Variants in TNF observed in about 807,000 individuals in gnomAD.
The protein encoded by TNF is APC1 protein.
In TNF, 7 loss-of-function variants were observed where a neutral mutation model predicts 21.8. That is an observed-to-expected ratio of 0.32 (90% CI 0.18 to 0.60). The LOEUF (loss-of-function observed/expected upper bound fraction) is 0.60, where lower values mean the gene tolerates loss of function less well. Among genes scored for constraint, TNF ranks in the 20% least tolerant of loss-of-function variants. TNF has a pLI of 0.84. For missense variants in TNF, 216 were observed against 296.6 expected (o/e 0.73, Z 2.00); for synonymous variants, 123 against 130.2 (o/e 0.94, Z 0.38).
intron 1 of TNF, 123 bp downstream of exon 1, chr6:31,576,050 G>C: frequency 9.6e-7 from 1 of 1,037,480 alleles, no homozygotes; most frequent in East Asian, 3.0e-5. Context: ...AGAAAAAAAC[G>C]TGGAGAAAGA....
rs1771244303 is a variant in TNF at position 31,577,525 on chromosome 6, C to A, written c.690C>A (p.Ile230=). Residue 230 remains isoleucine, a synonymous_variant, in exon 4 of 4, where the codon ATC becomes ATA. Transcript: ENST00000449264. The surrounding 1 kb of genome is among the most constrained non-coding windows in gnomAD (Gnocchi z 7.7). ...FAESGQVYFG[I]IAL The stretch of plus-strand genomic sequence containing the variant: ...AGTCTGGGCAGGTCTACTTTGGGAT[C>A]ATTGCCCTGTGAGGAGGACGAACAT... 6.2e-7 allele frequency: 1 copy of A among 1,612,996 alleles called. No homozygotes were observed. The highest frequency in any genetic ancestry group is 1.3e-5 in the African/African-American group (1 of 74,934).
chr6:31,575,793 C>A lies in TNF; in HGVS notation c.52C>A (p.Pro18Thr). The A allele has an allele frequency of 6.2e-7, 1 of 1,609,928 alleles. No homozygotes were observed. The highest frequency in any genetic ancestry group is 8.5e-7 in the Non-Finnish European group (1 of 1,178,164). The change falls in exon 1 of 4, where the codon CCC (proline) becomes ACC (threonine). Residue 18 changes from proline to threonine, a missense_variant. Around this residue, in one of 2 missense-constraint regions of TNF, gnomAD observed 118 missense variants for 127.1 expected, o/e 0.93. Coordinates refer to ENST00000449264, the MANE Select transcript of TNF (RefSeq NM_000594.4). The surrounding 1 kb of genome is among the most constrained non-coding windows in gnomAD (Gnocchi z 6.2). ...RDVELAEEALPKKTGGPQGSR... is the reference protein window; with the variant it reads ...RDVELAEEALTKKTGGPQGSR... ...CGTGGAGCTGGCCGAGGAGGCGCTC[C>A]CCAAGAAGACAGGGGGGCCCCAGGG...
rs762834115 is a variant in TNF at position 31,577,655 on chromosome 6, G to A, written c.*118G>A. On this transcript the variant is annotated 3_prime_UTR_variant, in exon 4 of 4. Transcript: ENST00000449264. This position sits in a 1 kb window ranked among gnomAD's most constrained non-coding sequence, Gnocchi z 7.7. ...AAAAGAGAATTGGGGGCTTAGGGTC[G>A]GAACCCAAGCTTAGAACTTTAAGCA... 36 of 1,309,914 alleles carry A rather than the reference G, an allele frequency of 2.7e-5. No homozygotes were observed. Among genetic ancestry groups the A allele is most frequent in the South Asian group, 4.9e-5 (4 of 80,886 alleles). The allele number at this position is 1,309,914 out of a possible 1,614,324, so 81.1% of individuals were successfully genotyped here.
In TNF at chr6:31,577,654, C is replaced by T. The variant is rs753933440; in HGVS notation, c.*117C>T. ...AAAAAGAGAATTGGGGGCTTAGGGT[C>T]GGAACCCAAGCTTAGAACTTTAAGC... On this transcript the variant is annotated 3_prime_UTR_variant, in exon 4 of 4. Transcript: ENST00000449264. This position sits in a 1 kb window ranked among gnomAD's most constrained non-coding sequence, Gnocchi z 7.7. 5 of 1,328,186 alleles carry T rather than the reference C, an allele frequency of 3.8e-6. No individual in the cohort carries two copies. Among genetic ancestry groups the T allele is most frequent in the Admixed American group, 1.9e-5 (1 of 51,408 alleles). 82.3% of individuals were successfully genotyped at this position (1,328,186 alleles called of 1,614,324 possible).
intron 3 of TNF, 100 bp downstream of exon 3, chr6:31,576,914 A>G (rs1771208899): frequency 6.8e-7 from 1 of 1,480,692 alleles, no homozygotes; most frequent in Non-Finnish European, 9.4e-7. Flanking sequence ...TGTGAGAAGG[A>G]CTCGCTGAGC....
In TNF at chr6:31,578,312, A is replaced by G. The variant is rs1179810924; in HGVS notation, c.*775A>G. 2.0e-5 allele frequency: 3 copies of G among 152,234 alleles called. No homozygotes were observed. The highest frequency in any genetic ancestry group is 4.4e-5 in the Non-Finnish European group (3 of 68,052). The allele number at this position is 152,234 out of a possible 1,614,324, so 9.4% of individuals were successfully genotyped here. On this transcript the variant is annotated 3_prime_UTR_variant, in exon 4 of 4. Transcript: ENST00000449264. The surrounding 1 kb of genome is among the most constrained non-coding windows in gnomAD (Gnocchi z 6.0). ...AATCGCCCTACTATTCAGTGGCGAG[A>G]AATAAAGTTTGCTTAGAAAAGAAAC...
intron 1 of TNF, 72 bp from the exon 2 acceptor site, chr6:31,576,462 A>T: frequency 6.6e-7 from 1 of 1,512,086 alleles, no homozygotes. Context: ...AGCGCAGGCC[A>T]GACAGGCAGC....
Position 31,575,718 on chromosome 6 carries a change from C to A in TNF, c.-24C>A, listed in dbSNP as rs755847921. The A allele has an allele frequency of 3.3e-6, 5 of 1,535,346 alleles. No homozygotes were observed. The highest frequency in any genetic ancestry group is 1.2e-5 in the South Asian group (1 of 80,240). On this transcript the variant is annotated 5_prime_UTR_variant, in exon 1 of 4. Transcript: ENST00000449264. This position sits in a 1 kb window ranked among gnomAD's most constrained non-coding sequence, Gnocchi z 6.2. ...CTCACATACTGACCCACGGCTCCAC[C>A]CTCTCTCCCCTGGAAAGGACACCAT...
Position 31,577,281 on chromosome 6 carries a change from A to G in TNF, c.446A>G (p.His149Arg), listed in dbSNP as rs753130938. Residue 149 changes from histidine (H) to arginine (R), a missense_variant, in exon 4 of 4, where the codon CAT becomes CGT. By Grantham distance (29) the His-to-Arg change is conservative. This residue lies in a region of TNF where 98 missense variants were observed against 169.6 expected (regional missense o/e 0.58). Transcript: ENST00000449264. The surrounding 1 kb of genome is among the most constrained non-coding windows in gnomAD (Gnocchi z 7.7). The stretch of plus-strand genomic sequence containing the variant: ...AAGGGCCAAGGCTGCCCCTCCACCC[A>G]TGTGCTCCTCACCCACACCATCAGC... ...LFKGQGCPST[H>R]VLLTHTISRI... The G allele has an allele frequency of 1.9e-6, 3 of 1,613,142 alleles. No individual in the cohort carries two copies. The highest frequency in any genetic ancestry group is 3.3e-5 in the Admixed American group (2 of 60,016).
chr6:31,578,130 A>G lies in TNF; in HGVS notation c.*593A>G, dbSNP rs975999777. ...ATGTTTTCCGTGAAAACGGAGCTGAACAATAGGCTGTTCCCATGTAGCCCC... is the reference window on the plus strand; with the variant it reads ...ATGTTTTCCGTGAAAACGGAGCTGAGCAATAGGCTGTTCCCATGTAGCCCC... On this transcript the variant is annotated 3_prime_UTR_variant, in exon 4 of 4. Coordinates refer to ENST00000449264, the MANE Select transcript of TNF (RefSeq NM_000594.4). This position sits in a 1 kb window ranked among gnomAD's most constrained non-coding sequence, Gnocchi z 6.0. 2 of 152,332 alleles carry G rather than the reference A, an allele frequency of 1.3e-5. No homozygotes were observed. Among genetic ancestry groups the G allele is most frequent in the African/African-American group, 4.8e-5 (2 of 41,462 alleles). 9.4% of individuals were successfully genotyped at this position (152,332 alleles called of 1,614,324 possible). A position where few individuals can be genotyped will look rare whatever the true frequency, so the allele number is the denominator to read the frequency against.
chr6:31,575,606 G>A lies in TNF; in HGVS notation c.-136G>A. The A allele has an allele frequency of 6.3e-6, 5 of 787,574 alleles. No homozygotes were observed. Among genetic ancestry groups the A allele is most frequent in the Middle Eastern group, 3.2e-4 (1 of 3,082 alleles). 48.8% of individuals were successfully genotyped at this position (787,574 alleles called of 1,614,324 possible). A position where few individuals can be genotyped will look rare whatever the true frequency, so the allele number is the denominator to read the frequency against. ...GCAAGGACAGCAGAGGACCAGCTAA[G>A]AGGGAGAGAAGCAACTACAGACCCC... On this transcript the variant is annotated 5_prime_UTR_variant, in exon 1 of 4. Transcript: ENST00000449264. This position sits in a 1 kb window ranked among gnomAD's most constrained non-coding sequence, Gnocchi z 6.2.
At position 31,576,454 on chromosome 6, in the gene TNF, C is replaced by A. The variant is rs559043897; in HGVS notation, c.187-80C>A. 8 of 1,429,876 alleles carry A rather than the reference C, an allele frequency of 5.6e-6. No individual in the cohort carries two copies. In the African/African-American group the frequency reaches 9.9e-5, roughly 18 times the overall value. 88.6% of individuals were successfully genotyped at this position (1,429,876 alleles called of 1,614,324 possible). A position where few individuals can be genotyped will look rare whatever the true frequency, so the allele number is the denominator to read the frequency against. Reference sequence around the variant, plus strand: ...AAACCAGACACCTCAGGGCTAAGAGCGCAGGCCAGACAGGCAGCCAGCTGT... The same window carrying A: ...AAACCAGACACCTCAGGGCTAAGAGAGCAGGCCAGACAGGCAGCCAGCTGT... On this transcript the variant is annotated intron_variant, in intron 1 of 3. Transcript: ENST00000449264.
chr6:31,577,093 T>G lies in TNF; in HGVS notation c.281-23T>G. On this transcript the variant is annotated intron_variant, in intron 3 of 3. Coordinates refer to ENST00000449264, the MANE Select transcript of TNF (RefSeq NM_000594.4). This position sits in a 1 kb window ranked among gnomAD's most constrained non-coding sequence, Gnocchi z 7.7. ...ACCGACATGGCCACACTGACTCTCC[T>G]CTCCCTCTCTCCCTCCCTCCAGCAA... 6.3e-7 allele frequency: 1 copy of G among 1,581,430 alleles called. No homozygotes were observed. The highest frequency in any genetic ancestry group is 8.6e-7 in the Non-Finnish European group (1 of 1,165,114).
intron 3 of TNF, 132 bp downstream of exon 3, chr6:31,576,946 A>G: frequency 7.3e-7 from 1 of 1,363,574 alleles, no homozygotes; most frequent in Non-Finnish European, 1.0e-6. Flanking sequence ...GTGGAGGAAC[A>G]GCACAGGCCT....
In TNF at chr6:31,577,661, C is replaced by A; in HGVS notation, c.*124C>A. 1 of 1,256,434 alleles carries A rather than the reference C, an allele frequency of 8.0e-7. No homozygotes were observed. The highest frequency in any genetic ancestry group is 1.1e-6 in the Non-Finnish European group (1 of 885,900). 77.8% of individuals were successfully genotyped at this position (1,256,434 alleles called of 1,614,324 possible). A position where few individuals can be genotyped will look rare whatever the true frequency, so the allele number is the denominator to read the frequency against. On this transcript the variant is annotated 3_prime_UTR_variant, in exon 4 of 4. Transcript: ENST00000449264. The surrounding 1 kb of genome is among the most constrained non-coding windows in gnomAD (Gnocchi z 7.7). ...GAATTGGGGGCTTAGGGTCGGAACC[C>A]AAGCTTAGAACTTTAAGCAACAAGA...
In TNF at chr6:31,577,702, C is replaced by T. The variant is rs1264072369; in HGVS notation, c.*165C>T. 3 of 870,752 alleles carry T rather than the reference C, an allele frequency of 3.4e-6. No homozygotes were observed. The African/African-American group carries it at 5.0e-5, about 14-fold the overall frequency. 53.9% of individuals were successfully genotyped at this position (870,752 alleles called of 1,614,324 possible). A position where few individuals can be genotyped will look rare whatever the true frequency, so the allele number is the denominator to read the frequency against. On this transcript the variant is annotated 3_prime_UTR_variant, in exon 4 of 4. Coordinates refer to ENST00000449264, the MANE Select transcript of TNF (RefSeq NM_000594.4). This position sits in a 1 kb window ranked among gnomAD's most constrained non-coding sequence, Gnocchi z 7.7. ...AGCAACAAGACCACCACTTCGAAAC[C>T]TGGGATTCAGGAATGTGTGGCCTGC...
chr6:31,577,513 C>G lies in TNF; in HGVS notation c.678C>G (p.Val226=), dbSNP rs767604552. 3.7e-6 allele frequency: 6 copies of G among 1,613,108 alleles called. No homozygotes were observed. The Admixed American group carries it at 1.0e-4, about 27-fold the overall frequency. Residue 226 remains valine (V), a synonymous_variant, in exon 4 of 4, where the codon GTC becomes GTG. Coordinates refer to ENST00000449264, the MANE Select transcript of TNF (RefSeq NM_000594.4). This position sits in a 1 kb window ranked among gnomAD's most constrained non-coding sequence, Gnocchi z 7.7. ...DYLDFAESGQ[V]YFGIIAL is the part of the protein sequence containing the mutation. Reference sequence around the variant, plus strand: ...TCGACTTTGCCGAGTCTGGGCAGGTCTACTTTGGGATCATTGCCCTGTGAG... The same window carrying G: ...TCGACTTTGCCGAGTCTGGGCAGGTGTACTTTGGGATCATTGCCCTGTGAG...
rs1771202205 is a variant in TNF at position 31,576,783 on chromosome 6, C to T, written c.249C>T (p.Thr83=). The change falls in exon 3 of 4, where the codon ACC becomes ACT. Residue 83 remains threonine, a synonymous_variant. Coordinates refer to ENST00000449264, the MANE Select transcript of TNF (RefSeq NM_000594.4). ...CCTCTTCAGGATCATCTTCTCGAACCCCGAGTGACAAGCCTGTAGCCCATG... is the reference window on the plus strand; with the variant it reads ...CCTCTTCAGGATCATCTTCTCGAACTCCGAGTGACAAGCCTGTAGCCCATG... ...LAQAVRSSSR[T]PSDKPVAHVV... 2 of 1,612,982 alleles carry T rather than the reference C, an allele frequency of 1.2e-6. No individual in the cohort carries two copies. The highest frequency in any genetic ancestry group is 1.7e-6 in the Non-Finnish European group (2 of 1,180,014).
chr6:31,577,432 C>T lies in TNF; in HGVS notation c.597C>T (p.Val199=), dbSNP rs757435299. ...ATGAGCCCATCTATCTGGGAGGGGT[C>T]TTCCAGCTGGAGAAGGGTGACCGAC... The part of the protein sequence containing the change: ...PWYEPIYLGG[V]FQLEKGDRLS... Residue 199 remains valine (V), a synonymous_variant, in exon 4 of 4, where the codon GTC becomes GTT. Coordinates refer to ENST00000449264, the MANE Select transcript of TNF (RefSeq NM_000594.4). This position sits in a 1 kb window ranked among gnomAD's most constrained non-coding sequence, Gnocchi z 7.7. 17 of 1,613,132 alleles carry T rather than the reference C, an allele frequency of 1.1e-5. No homozygotes were observed. Among genetic ancestry groups the T allele is most frequent in the Non-Finnish European group, 1.4e-5 (16 of 1,180,036 alleles).
Sources: gnomAD v4.1 joint callset for allele counts on GRCh38, gnomAD v4.1.1 for gene constraint, gnomAD v4.1.1 regional missense constraint, Gnocchi (gnomAD v3.1) non-coding constraint, MANE v1.5 for transcripts, NCBI Gene and HGNC (gene_info 2026-07-23, HGNC 2026-07-21) for gene names.